The following PRKAR1A variants were observed in gnomAD, a reference collection of about 807,000 sequenced individuals.
The protein encoded by PRKAR1A is protein kinase cAMP-dependent type I regulatory subunit alpha.
A neutral mutation model predicts 52.0 loss-of-function variants in PRKAR1A; 3 were observed. The ratio of observed to expected loss-of-function variants is 0.06; its 90% CI spans 0.03 to 0.15. PRKAR1A has a LOEUF of 0.15. PRKAR1A is among the 10% of genes least tolerant of loss of function. PRKAR1A has a pLI of 1.00. For synonymous variants in PRKAR1A, 188 were observed against 168.4 expected (o/e 1.12, Z -0.90); for missense variants, 240 against 477.4 (o/e 0.50, Z 4.63).
intron 5 of PRKAR1A, among the ~76,000 whole-genome samples, chr17:68,524,636 C>T (rs1600483370): frequency 6.6e-6 from 1 of 151,838 alleles, no homozygotes; most frequent in Non-Finnish European, 1.5e-5. Context: ...TTCTAATGTC[C>T]TTGTTATAAA....
At chr17:68,501,741 A>G in the PRKAR1A span, among the ~76,000 whole-genome samples, 2 of 152,184 alleles carry the variant, frequency 1.3e-5, no homozygotes, top group African/African-American at 4.8e-5. Context: ...TACAGGCATG[A>G]GCCACCATGC....
At chr17:68,464,885 A>G in the PRKAR1A span, among the ~76,000 whole-genome samples, 1 of 151,748 alleles carries the variant, frequency 6.6e-6, no homozygotes, top group African/African-American at 2.4e-5. Flanking sequence ...CTTGTATACC[A>G]ATCAAAAACA....
At chr17:68,478,720 G>T in the PRKAR1A span, among the ~76,000 whole-genome samples, 1 of 134,024 alleles carries the variant, frequency 7.5e-6, no homozygotes, top group Non-Finnish European at 1.6e-5. Context: ...GTATGTATAT[G>T]TTGGACAGTT....
In PRKAR1A at chr17:68,533,407, C is replaced by G. The variant is rs2086030194; in HGVS notation, c.*2958C>G. On this transcript the variant is annotated 3_prime_UTR_variant, in exon 11 of 11. Coordinates refer to ENST00000589228, the MANE Select transcript of PRKAR1A (RefSeq NM_002734.5). ...CTCTGGAGTATGAAACCTTTAGAGT[C>G]ACAATAAAATGTAACTAAAGAAAAT... is the stretch of plus-strand genomic sequence containing the variant. 9.4e-7 allele frequency: 1 copy of G among 1,059,018 alleles called. No individual in the cohort carries two copies. Among genetic ancestry groups the G allele is most frequent in the South Asian group, 4.6e-5 (1 of 21,918 alleles). The allele number at this position is 1,059,018 out of a possible 1,614,324, so 65.6% of individuals were successfully genotyped here. A position where few individuals can be genotyped will look rare whatever the true frequency, so the allele number is the denominator to read the frequency against.
chr17:68,479,717 T>C, the PRKAR1A span, among the ~76,000 whole-genome samples: 4 of 152,244 alleles, frequency 2.6e-5, no homozygotes, highest in African/African-American at 9.6e-5. Context: ...AGATTTTAAT[T>C]TCAGTGATTC....
chr17:68,529,028 G>C, intron 9 of PRKAR1A, 37 bp downstream of exon 9: 1 of 1,612,100 alleles, frequency 6.2e-7, no homozygotes, highest in Non-Finnish European at 8.5e-7. Flanking sequence ...AATTTTAGAG[G>C]TAAAGAACTC....
At chr17:68,454,603 A>G in the PRKAR1A span, among the ~76,000 whole-genome samples, 1 of 152,240 alleles carries the variant, frequency 6.6e-6, no homozygotes, top group Non-Finnish European at 1.5e-5. Context: ...AGACTGAGGT[A>G]TTCATGATGA....
At chr17:68,419,011 C>CAA in the PRKAR1A span, among the ~76,000 whole-genome samples, 1 of 110,648 alleles carries the variant, frequency 9.0e-6, no homozygotes, top group South Asian at 2.8e-4. Context: ...TTTTCTATAG[C>CAA]AAAGCCAAAA....
At chr17:68,547,562 T>C (rs994783785) in intron 11 of PRKAR1A, among the ~76,000 whole-genome samples, 1 of 152,236 alleles carries the variant, frequency 6.6e-6, no homozygotes, top group African/African-American at 2.4e-5. Context: ...TGTACTTTTA[T>C]GTTATGGAGA....
At chr17:68,501,510 C>T in the PRKAR1A span, among the ~76,000 whole-genome samples, 2 of 152,208 alleles carry the variant, frequency 1.3e-5, no homozygotes, top group Non-Finnish European at 2.9e-5. Flanking sequence ...GGCTGGAGTG[C>T]AGTGGTATAA....
chr17:68,444,306 C>T, the PRKAR1A span, among the ~76,000 whole-genome samples: 1 of 152,168 alleles, frequency 6.6e-6, no homozygotes. Context: ...ACACAGCCCC[C>T]CTGCAGGACA....
chr17:68,447,606 G>GACTC, the PRKAR1A span, among the ~76,000 whole-genome samples: 1 of 152,086 alleles, frequency 6.6e-6, no homozygotes, highest in African/African-American at 2.4e-5. Context: ...GCCCAAGCTG[G>GACTC]ACTCAAACTC....
At chr17:68,536,493 A>T (rs763052457), downstream of PRKAR1A, 1 of 454,148 alleles carries the variant, frequency 2.2e-6, no homozygotes, top group South Asian at 1.6e-5. Flanking sequence ...GGAGGCTTCA[A>T]TAAAAAACCT....
chr17:68,456,426 C>T, the PRKAR1A span, among the ~76,000 whole-genome samples: 280 of 152,284 alleles, frequency 1.8e-3, 2 homozygotes, highest in African/African-American at 6.2e-3. Context: ...CGGTCATCCC[C>T]GCCTGATGCT....
chr17:68,416,316 G>A, the PRKAR1A span, among the ~76,000 whole-genome samples: 1 of 152,132 alleles, frequency 6.6e-6, no homozygotes, highest in Non-Finnish European at 1.5e-5. Flanking sequence ...GCTGATAATT[G>A]TTTTGATGGA....
chr17:68,436,518 A>G, the PRKAR1A span: 2 of 1,592,980 alleles, frequency 1.3e-6, no homozygotes, highest in East Asian at 2.2e-5. Flanking sequence ...GCCTGGGGCC[A>G]AGGGAGAGAT....
In PRKAR1A at chr17:68,525,879, C is replaced by A. The variant is rs150244650; in HGVS notation, c.675C>A (p.Gly225=). 253 of 1,613,502 alleles carry A rather than the reference C, an allele frequency of 1.6e-4. No homozygotes were observed. The highest frequency in any genetic ancestry group is 2.1e-4 in the Non-Finnish European group (249 of 1,179,890). The change falls in exon 7 of 11, where the codon GGC becomes GGA. Residue 225 remains glycine, a synonymous_variant. Transcript: ENST00000589228. The part of the protein sequence containing the change: ...VKAKTNVKLW[G]IDRDSYRRIL... ...CAAAGACAAATGTGAAATTGTGGGG[C>A]ATCGACCGAGACAGCTATAGAAGAA...
Position 68,525,798 on chromosome 17 carries a change from G to A in PRKAR1A, c.594G>A (p.Gly198=), listed in dbSNP as rs1223896200. 6.2e-7 allele frequency: 1 copy of A among 1,613,854 alleles called. No individual in the cohort carries two copies. The highest frequency in any genetic ancestry group is 1.1e-5 in the South Asian group (1 of 91,058). The change falls in exon 7 of 11, where the codon GGG becomes GGA. Residue 198 remains glycine (G), a synonymous_variant. Coordinates refer to ENST00000589228, the MANE Select transcript of PRKAR1A (RefSeq NM_002734.5). Reference sequence around the variant, plus strand: ...GGGCAACCAGTGTTGGGGAAGGAGGGAGCTTTGGAGAACTTGCTTTGATTT... The same window carrying A: ...GGGCAACCAGTGTTGGGGAAGGAGGAAGCTTTGGAGAACTTGCTTTGATTT... ...NEWATSVGEG[G]SFGELALIYG...
Position 68,533,246 on chromosome 17 carries a change from G to C in PRKAR1A, c.*2797G>C. ...TTCTGAGGAGTGAGATGATTAAGTT[G>C]TATTCATTAGTGTATTGGTATTTCT... On this transcript the variant is annotated 3_prime_UTR_variant, in exon 11 of 11. Transcript: ENST00000589228. 1 of 1,061,494 alleles carries C rather than the reference G, an allele frequency of 9.4e-7. No homozygotes were observed. Among genetic ancestry groups the C allele is most frequent in the Non-Finnish European group, 1.1e-6 (1 of 876,088 alleles). The allele number at this position is 1,061,494 out of a possible 1,614,324, so 65.8% of individuals were successfully genotyped here.
Sources: gnomAD v4.1 joint callset for allele counts (sites outside exome capture counted in the v4.1 genomes callset) on GRCh38, gnomAD v4.1.1 for gene constraint, MANE v1.5 for transcripts, NCBI Gene and HGNC (gene_info 2026-07-23, HGNC 2026-07-21) for gene names.